AUTS2: variants seen among roughly 807,000 people sequenced by gnomAD.
The protein encoded by AUTS2 is autism susceptibility gene 2 protein.
In AUTS2, 17 loss-of-function variants were observed where a neutral mutation model predicts 112.4. The ratio of observed to expected loss-of-function variants is 0.15; its 90% CI spans 0.10 to 0.23. The LOEUF (loss-of-function observed/expected upper bound fraction) is 0.23, where lower values mean the gene tolerates loss of function less well. AUTS2 is among the 10% of genes least tolerant of loss of function. AUTS2 has a pLI of 1.00. For synonymous variants in AUTS2, 751 were observed against 702.7 expected, an observed-to-expected ratio of 1.07 and a Z score of -1.09; for missense variants, 1,510 against 1,701.6, an observed-to-expected ratio of 0.89 and a Z score of 1.98.
intron 1 of AUTS2, among the ~76,000 whole-genome samples, chr7:69,663,437 A>C (rs903766577): frequency 6.6e-6 from 1 of 152,138 alleles, no homozygotes; most frequent in African/African-American, 2.4e-5. Flanking sequence ...CCCAGATGTG[A>C]AGGTACCAGC....
chr7:69,996,944 C>CT (rs1317977256), intron 2 of AUTS2, among the ~76,000 whole-genome samples: 1 of 62,234 alleles, frequency 1.6e-5, no homozygotes, highest in East Asian at 4.0e-4. Flanking sequence ...ACCTGGAACA[C>CT]TTAAAAAAAA....
intron 4 of AUTS2, among the ~76,000 whole-genome samples, chr7:70,393,966 G>C (rs534614129): frequency 2.6e-5 from 4 of 152,258 alleles, no homozygotes; most frequent in African/African-American, 9.6e-5. Flanking sequence ...AAAAGCAAGG[G>C]TTGGGAACCT....
intron 4 of AUTS2, among the ~76,000 whole-genome samples, chr7:70,326,585 C>T (rs1440758946): frequency 6.6e-6 from 1 of 152,188 alleles, no homozygotes; most frequent in African/African-American, 2.4e-5. Flanking sequence ...TTTGGTTTAC[C>T]TTATTGGCTA....
Position 70,243,995 on chromosome 7 carries a change from G to A in AUTS2, c.660+109424G>A, listed in dbSNP as rs185362256. 9.9e-5 allele frequency among the ~76,000 whole-genome samples: 15 copies of A among 151,960 alleles called. No homozygotes were observed. In the East Asian group the frequency reaches 2.9e-3, roughly 29 times the overall value. ...TAATACTATTACAGTAATAGTAAGA[G>A]TATGGGAGATACTCCTATTCTTACT... On this transcript the variant is annotated intron_variant, in intron 4 of 18. Coordinates refer to ENST00000342771, the MANE Select transcript of AUTS2 (RefSeq NM_015570.4).
intron 4 of AUTS2, among the ~76,000 whole-genome samples, chr7:70,151,472 C>G (rs1332350651): frequency 6.6e-6 from 1 of 152,030 alleles, no homozygotes; most frequent in African/African-American, 2.4e-5. Context: ...TGCCGTGACA[C>G]TTTTTATTTT....
chr7:69,820,798 A>G (rs1469080213), intron 1 of AUTS2, among the ~76,000 whole-genome samples: 1 of 152,212 alleles, frequency 6.6e-6, no homozygotes, highest in Non-Finnish European at 1.5e-5. Flanking sequence ...TGTTCCTTCA[A>G]GAGCTTAGTT....
At chr7:70,643,854 C>T (rs13245458) in intron 5 of AUTS2, among the ~76,000 whole-genome samples, 1 of 152,332 alleles carries the variant, frequency 6.6e-6, no homozygotes, top group South Asian at 2.1e-4. Context: ...TCTCCCCAGA[C>T]TCTTCCTTTG....
At chr7:69,700,443 T>G (rs967910292) in intron 1 of AUTS2, among the ~76,000 whole-genome samples, 1 of 151,778 alleles carries the variant, frequency 6.6e-6, no homozygotes, top group Non-Finnish European at 1.5e-5. Flanking sequence ...GTTAATTGGG[T>G]TAGATGGTTT....
chr7:70,417,388 G>C (rs1404683621), intron 4 of AUTS2, among the ~76,000 whole-genome samples: 1 of 152,178 alleles, frequency 6.6e-6, no homozygotes, highest in African/African-American at 2.4e-5. Flanking sequence ...ATAGCTGACC[G>C]TGGCAATGGC....
intron 4 of AUTS2, among the ~76,000 whole-genome samples, chr7:70,318,200 C>T (rs1265708056): frequency 6.6e-6 from 1 of 151,764 alleles, no homozygotes; most frequent in Non-Finnish European, 1.5e-5. Flanking sequence ...GAAGGGTTGG[C>T]GAGGTTGAGG....
At chr7:69,859,962 C>G (rs987111095) in intron 1 of AUTS2, among the ~76,000 whole-genome samples, 5 of 152,044 alleles carry the variant, frequency 3.3e-5, no homozygotes, top group African/African-American at 1.2e-4. Context: ...AATTGGACAA[C>G]TATAAGCAAT....
At chr7:70,063,783 C>T (rs1190879728) in intron 2 of AUTS2, among the ~76,000 whole-genome samples, 8 of 152,312 alleles carry the variant, frequency 5.3e-5, no homozygotes, top group African/African-American at 1.9e-4. Flanking sequence ...CCACACTTCA[C>T]CTGCTCTCCA....
intron 4 of AUTS2, among the ~76,000 whole-genome samples, chr7:70,232,529 C>T (rs993280791): frequency 6.6e-6 from 1 of 151,948 alleles, no homozygotes; most frequent in Non-Finnish European, 1.5e-5. Flanking sequence ...TCAGACTCCC[C>T]AGTAGCTGGG....
intron 1 of AUTS2, among the ~76,000 whole-genome samples, chr7:69,688,564 A>G (rs1464765764): frequency 6.6e-6 from 1 of 152,250 alleles, no homozygotes. Flanking sequence ...CATACAATGT[A>G]TAGTGATCAG....
At chr7:69,948,784 T>C (rs1796915687) in intron 2 of AUTS2, among the ~76,000 whole-genome samples, 1 of 120,242 alleles carries the variant, frequency 8.3e-6, no homozygotes, top group Non-Finnish European at 1.7e-5. Context: ...ATTTATTTAT[T>C]TATTTATTTA....
chr7:69,621,898 T>TTTTC (rs370711459), intron 1 of AUTS2, among the ~76,000 whole-genome samples: 1 of 152,076 alleles, frequency 6.6e-6, no homozygotes, highest in Non-Finnish European at 1.5e-5. Context: ...GGGCTTTTTT[T>TTTTC]TTTCTTTCTT....
At chr7:69,825,203 C>T (rs1791186059) in intron 1 of AUTS2, among the ~76,000 whole-genome samples, 1 of 152,126 alleles carries the variant, frequency 6.6e-6, no homozygotes. Flanking sequence ...TGCATTACTG[C>T]CATCTGTCAG....
At chr7:70,072,990 G>A (rs1802848332) in intron 2 of AUTS2, among the ~76,000 whole-genome samples, 1 of 147,638 alleles carries the variant, frequency 6.8e-6, no homozygotes, top group South Asian at 2.2e-4. Flanking sequence ...CTCTAGGTAG[G>A]CTGGCCAGCT....
At chr7:70,476,022 G>A (rs1050850141) in intron 5 of AUTS2, among the ~76,000 whole-genome samples, 1 of 152,056 alleles carries the variant, frequency 6.6e-6, no homozygotes, top group Admixed American at 6.5e-5. Context: ...GAGTGAGACT[G>A]TGTCTCTTTG....
Sources: allele counts gnomAD v4.1 joint callset (sites outside exome capture counted in the v4.1 genomes callset), GRCh38; gene constraint gnomAD v4.1.1; transcripts MANE v1.5; gene names NCBI Gene and HGNC (gene_info 2026-07-23, HGNC 2026-07-21).